The following ADAM17 variants were observed in gnomAD, a reference collection of about 807,000 sequenced individuals.
The protein encoded by ADAM17 is disintegrin and metalloproteinase domain-containing protein 17.
A neutral mutation model predicts 96.7 loss-of-function variants in ADAM17; 39 were observed. The ratio of observed to expected loss-of-function variants is 0.40; its 90% CI spans 0.31 to 0.53. ADAM17 has a LOEUF of 0.53. Ranked by LOEUF, ADAM17 falls within the 20% of genes least tolerant of loss-of-function variation. ADAM17 has a pLI of 0.44. For missense variants in ADAM17, 777 were observed against 1,013.2 expected (o/e 0.77, Z 3.17); for synonymous variants, 344 against 359.2 (o/e 0.96, Z 0.48).
chr2:9,555,683 G>A lies in ADAM17; in HGVS notation c.-78C>T. On this transcript the variant is annotated 5_prime_UTR_variant, in exon 1 of 19. Transcript: ENST00000310823. ...GGTTTCGGAAAACTGCTCACATCGG[G>A]GGAGGACGGGATCCGCCCGGCCTAG... 1 of 1,233,656 alleles carries A rather than the reference G, an allele frequency of 8.1e-7. No individual in the cohort carries two copies. The highest frequency in any genetic ancestry group is 1.6e-5 in the South Asian group (1 of 63,506). The allele number at this position is 1,233,656 out of a possible 1,614,324, so 76.4% of individuals were successfully genotyped here. A position where few individuals can be genotyped will look rare whatever the true frequency, so the allele number is the denominator to read the frequency against.
intron 17 of ADAM17, 84 bp from the exon 18 acceptor site, chr2:9,491,235 C>T: frequency 7.9e-7 from 1 of 1,271,502 alleles, no homozygotes; most frequent in Non-Finnish European, 1.1e-6. Flanking sequence ...ATTCCTAACA[C>T]TAACTGAAGA....
At chr2:9,508,316 C>G (rs1244511867) in intron 11 of ADAM17, among the ~76,000 whole-genome samples, 5 of 152,186 alleles carry the variant, frequency 3.3e-5, no homozygotes, top group African/African-American at 1.2e-4. Context: ...CCGTGCCCCT[C>G]ACCAGCTTCA....
chr2:9,513,699 C>G (rs777808945), intron 10 of ADAM17, among the ~76,000 whole-genome samples: 5 of 151,782 alleles, frequency 3.3e-5, no homozygotes, highest in Non-Finnish European at 7.4e-5. Flanking sequence ...AGATTTTTTC[C>G]CCTAAAACAA....
chr2:9,554,093 G>A (rs893766227), intron 1 of ADAM17, among the ~76,000 whole-genome samples: 1 of 152,064 alleles, frequency 6.6e-6, no homozygotes, highest in Non-Finnish European at 1.5e-5. Context: ...AAAACCTTAC[G>A]ATCTGCAAAT....
In ADAM17 at chr2:9,493,829, T is replaced by C. The variant is rs1662348865; in HGVS notation, c.1915-4A>G. 1 of 1,612,882 alleles carries C rather than the reference T, an allele frequency of 6.2e-7. No homozygotes were observed. Among genetic ancestry groups the C allele is most frequent in the Non-Finnish European group, 8.5e-7 (1 of 1,179,280 alleles). Reference sequence around the variant, plus strand: ...GTACTCGTTTCTCACATTTGCCCTATGAAGAAAAAACATACATACAGCATC... The same window carrying C: ...GTACTCGTTTCTCACATTTGCCCTACGAAGAAAAAACATACATACAGCATC... On this transcript the variant is annotated splice_polypyrimidine_tract_variant and splice_region_variant and intron_variant, in intron 15 of 18. Coordinates refer to ENST00000310823, the MANE Select transcript of ADAM17 (RefSeq NM_003183.6).
chr2:9,517,753 T>C, intron 10 of ADAM17, 148 bp downstream of exon 10: 2 of 530,154 alleles, frequency 3.8e-6, no homozygotes, highest in Non-Finnish European at 6.1e-6. Context: ...TTTTCATATA[T>C]CCCACAAAAA....
At chr2:9,522,454 C>A (rs1050013181) in intron 7 of ADAM17, 7 of 593,326 alleles carry the variant, frequency 1.2e-5, no homozygotes, top group African/African-American at 3.6e-5. Context: ...AAAGAAAATG[C>A]GTAACAGTGA....
intron 7 of ADAM17, chr2:9,521,840 T>TCTTCC (rs375905591): frequency 0.02 from 2,849 of 143,402 alleles, 94 homozygotes; most frequent in African/African-American, 0.067. Flanking sequence ...TGTGAGTCTC[T>TCTTCC]CTGCCTGCCT....
chr2:9,506,368 T>G (rs1327507851), intron 11 of ADAM17, among the ~76,000 whole-genome samples: 2 of 143,642 alleles, frequency 1.4e-5, no homozygotes, highest in African/African-American at 5.3e-5. Flanking sequence ...TGTTTTTTTT[T>G]TTTTTTTTTT....
chr2:9,529,969 T>TAC (rs35137204), intron 4 of ADAM17, among the ~76,000 whole-genome samples: 32,139 of 149,454 alleles, frequency 0.22, 4,023 homozygotes, highest in African/African-American at 0.34. Context: ...ATCTCAAAAA[T>TAC]ACACACACAC....
At chr2:9,496,193 ATC>A (rs1227305275) in intron 14 of ADAM17, 2 of 151,980 alleles carry the variant, frequency 1.3e-5, no homozygotes. Flanking sequence ...TAGCGGCGCA[ATC>A]TCAGCTCACA....
chr2:9,519,586 C>A (rs974732303), intron 8 of ADAM17, among the ~76,000 whole-genome samples: 3 of 152,134 alleles, frequency 2.0e-5, no homozygotes, highest in African/African-American at 7.2e-5. Flanking sequence ...GAAGTCCTAA[C>A]CCTCAACAGT....
At chr2:9,515,729 C>T (rs1572924222) in intron 10 of ADAM17, among the ~76,000 whole-genome samples, 1 of 122,586 alleles carries the variant, frequency 8.2e-6, no homozygotes, top group East Asian at 2.0e-4. Context: ...AGTGAAACTC[C>T]GTCTCCAAAA....
chr2:9,493,651 G>A, intron 16 of ADAM17, 96 bp downstream of exon 16: 1 of 1,038,390 alleles, frequency 9.6e-7, no homozygotes, highest in Non-Finnish European at 1.4e-6. Flanking sequence ...ACCTTCTACT[G>A]CAGAATTAAA....
intron 2 of ADAM17, among the ~76,000 whole-genome samples, chr2:9,537,633 G>C (rs888753594): frequency 6.6e-6 from 1 of 151,798 alleles, no homozygotes; most frequent in Non-Finnish European, 1.5e-5. Flanking sequence ...TTGGGAGGCT[G>C]AGGCAGGAGA....
At chr2:9,544,529 C>T (rs1035717452) in intron 1 of ADAM17, among the ~76,000 whole-genome samples, 5 of 140,130 alleles carry the variant, frequency 3.6e-5, no homozygotes, top group African/African-American at 8.1e-5. Context: ...CATCTCTAGG[C>T]GGGGGAAAAA....
At chr2:9,537,898 A>AGGGGC in intron 2 of ADAM17, among the ~76,000 whole-genome samples, 2 of 51,154 alleles carry the variant, frequency 3.9e-5, no homozygotes, top group Admixed American at 1.6e-4. Context: ...AGGGGAGGGG[A>AGGGGC]GGGGAGGAGA....
intron 13 of ADAM17, 22 bp from the exon 14 acceptor site, chr2:9,497,270 A>C: frequency 1.9e-6 from 3 of 1,613,454 alleles, no homozygotes; most frequent in Non-Finnish European, 2.5e-6. Flanking sequence ...CACCAGTCAT[A>C]ACAAAAAGAA....
At chr2:9,493,693 G>A in intron 16 of ADAM17, 54 bp downstream of exon 16, 2 of 1,477,910 alleles carry the variant, frequency 1.4e-6, no homozygotes, top group Non-Finnish European at 1.9e-6. Flanking sequence ...CTTTTCTAAT[G>A]TCATCACAGA....
Sources: gnomAD v4.1 joint callset for allele counts (sites outside exome capture counted in the v4.1 genomes callset) on GRCh38, gnomAD v4.1.1 for gene constraint, MANE v1.5 for transcripts, NCBI Gene and HGNC (gene_info 2026-07-23, HGNC 2026-07-21) for gene names.